Variants in AFG1L observed in about 807,000 individuals in gnomAD.
AFG1L encodes AFG1-like ATPase.
Under a neutral mutation model 62.2 loss-of-function variants are expected in AFG1L, and 53 were observed. The ratio of observed to expected loss-of-function variants is 0.85; its 90% CI spans 0.68 to 1.07. AFG1L has a LOEUF of 1.07. AFG1L is among the 50% of genes least tolerant of loss of function. The pLI, the probability that AFG1L is intolerant of heterozygous loss-of-function variation, is 0.00. For synonymous variants in AFG1L, 228 were observed against 210.3 expected (o/e 1.08, Z -0.73); for missense variants, 555 against 590.5 (o/e 0.94, Z 0.62).
intron 12 of AFG1L, chr6:108,520,064 C>T (rs1775065169): frequency 1.1e-5 from 3 of 276,306 alleles, no homozygotes; most frequent in South Asian, 9.3e-5. Context: ...ATGAAGCCCA[C>T]GGAGGTGGAC....
intron 6 of AFG1L, among the ~76,000 whole-genome samples, chr6:108,380,674 C>A (rs1780465533): frequency 6.6e-6 from 1 of 152,102 alleles, no homozygotes; most frequent in Admixed American, 6.5e-5. Flanking sequence ...AAAGAATGGC[C>A]GAGATTAAAA....
intron 2 of AFG1L, among the ~76,000 whole-genome samples, chr6:108,346,197 T>C (rs1778857598): frequency 6.6e-6 from 1 of 152,184 alleles, no homozygotes; most frequent in South Asian, 2.1e-4. Context: ...TCTTAATCAT[T>C]TTTTAAGAGT....
At chr6:108,441,604 C>T (rs1044468933) in intron 7 of AFG1L, among the ~76,000 whole-genome samples, 4 of 151,330 alleles carry the variant, frequency 2.6e-5, no homozygotes, top group African/African-American at 9.7e-5. Context: ...GATTCACTGT[C>T]GACTTGCAGC....
intron 6 of AFG1L, among the ~76,000 whole-genome samples, chr6:108,380,669 A>G (rs1485321230): frequency 2.6e-5 from 4 of 152,186 alleles, no homozygotes; most frequent in Non-Finnish European, 5.9e-5. Context: ...TCACCAAAGA[A>G]TGGCCGAGAT....
At chr6:108,498,325 A>G (rs964539969) in intron 10 of AFG1L, among the ~76,000 whole-genome samples, 9 of 152,238 alleles carry the variant, frequency 5.9e-5, no homozygotes, top group Non-Finnish European at 4.4e-5. Context: ...AGCCATTACT[A>G]TAATCAGATG....
chr6:108,343,639 T>G (rs1251760292), intron 2 of AFG1L, among the ~76,000 whole-genome samples: 1 of 152,190 alleles, frequency 6.6e-6, no homozygotes, highest in Non-Finnish European at 1.5e-5. Context: ...TTGAAGCTGT[T>G]CTAAAATTAA....
chr6:108,407,405 C>T (rs540865764), intron 7 of AFG1L, among the ~76,000 whole-genome samples: 42 of 152,180 alleles, frequency 2.8e-4, no homozygotes, highest in African/African-American at 1.0e-3. Context: ...AAAGATAAAC[C>T]CTGTGGCTCA....
At chr6:108,296,951 A>G (rs1776787681) in intron 1 of AFG1L, among the ~76,000 whole-genome samples, 1 of 152,200 alleles carries the variant, frequency 6.6e-6, no homozygotes, top group Non-Finnish European at 1.5e-5. Context: ...ACTGGATTCA[A>G]GTGAAGGCTG....
intron 1 of AFG1L, chr6:108,319,606 A>T (rs111768612): frequency 5.9e-6 from 1 of 168,516 alleles, no homozygotes. Context: ...TCTTATTTTT[A>T]TTTTTTTTAG....
chr6:108,487,045 C>T (rs1773599368), intron 10 of AFG1L, among the ~76,000 whole-genome samples: 1 of 152,142 alleles, frequency 6.6e-6, no homozygotes, highest in Non-Finnish European at 1.5e-5. Context: ...ATCTGTATGC[C>T]TATGTTATGA....
rs368605631 is a variant in AFG1L at position 108,507,352 on chromosome 6, A to G, written c.1063-2860A>G. Reference sequence around the variant, plus strand: ...TAAACAACAATTCCGCATTCCCCCAATGACTGTTGTCTTGAAAGGAGAAAG... The same window carrying G: ...TAAACAACAATTCCGCATTCCCCCAGTGACTGTTGTCTTGAAAGGAGAAAG... On this transcript the variant is annotated intron_variant, in intron 10 of 12. Transcript: ENST00000368977. Among the ~76,000 whole-genome samples the G allele has an allele frequency of 1.1e-4, 16 of 152,306 alleles. No individual in the cohort carries two copies. The East Asian group carries it at 1.3e-3, about 13-fold the overall frequency.
chr6:108,505,740 A>C (rs1460572611), intron 10 of AFG1L, among the ~76,000 whole-genome samples: 1 of 152,230 alleles, frequency 6.6e-6, no homozygotes, highest in Non-Finnish European at 1.5e-5. Context: ...AGAGCAGATT[A>C]AACACAGCTA....
intron 11 of AFG1L, among the ~76,000 whole-genome samples, chr6:108,512,261 T>G (rs1316479847): frequency 6.6e-6 from 1 of 152,186 alleles, no homozygotes; most frequent in African/African-American, 2.4e-5. Context: ...CAGCAACCTC[T>G]CTGGGATGGG....
chr6:108,458,678 CA>C (rs1432670374), intron 8 of AFG1L, among the ~76,000 whole-genome samples: 1 of 152,088 alleles, frequency 6.6e-6, no homozygotes, highest in African/African-American at 2.4e-5. Context: ...TGAGTATATG[CA>C]GCATATTTAT....
At chr6:108,340,793 A>G (rs967712013) in intron 2 of AFG1L, among the ~76,000 whole-genome samples, 80 of 152,312 alleles carry the variant, frequency 5.3e-4, no homozygotes, top group Middle Eastern at 3.4e-3. Context: ...TTTCCTTTGT[A>G]ACAGGAGGAA....
chr6:108,375,312 C>A (rs1046138175), intron 6 of AFG1L, among the ~76,000 whole-genome samples: 1 of 152,098 alleles, frequency 6.6e-6, no homozygotes, highest in Non-Finnish European at 1.5e-5. Flanking sequence ...AATTTGGATT[C>A]CTTTTATTTC....
chr6:108,446,011 AAC>A (rs141162015), intron 7 of AFG1L, among the ~76,000 whole-genome samples: 6,971 of 151,212 alleles, frequency 0.046, 242 homozygotes, highest in South Asian at 0.17. Flanking sequence ...AATAAAGGGA[AAC>A]ACAATAAAAT....
At chr6:108,452,008 G>T (rs1002621763) in intron 8 of AFG1L, among the ~76,000 whole-genome samples, 3 of 152,040 alleles carry the variant, frequency 2.0e-5, no homozygotes, top group African/African-American at 7.2e-5. Context: ...GAGCCACCAC[G>T]CCCGGCCAGT....
intron 7 of AFG1L, among the ~76,000 whole-genome samples, chr6:108,428,430 T>G (rs1300851958): frequency 6.6e-6 from 1 of 152,220 alleles, no homozygotes; most frequent in African/African-American, 2.4e-5. Flanking sequence ...GAGGTGTCTT[T>G]TTGATGTAAT....
Sources: allele counts gnomAD v4.1 joint callset (sites outside exome capture counted in the v4.1 genomes callset), GRCh38; gene constraint gnomAD v4.1.1; transcripts MANE v1.5; gene names NCBI Gene and HGNC (gene_info 2026-07-23, HGNC 2026-07-21).